The following MCF2L2 variants were observed in gnomAD, a reference collection of about 807,000 sequenced individuals.
MCF2L2 encodes the protein probable guanine nucleotide exchange factor MCF2L2.
A neutral mutation model predicts 150.2 loss-of-function variants in MCF2L2; 102 were observed. The ratio of observed to expected loss-of-function variants is 0.68; its 90% CI spans 0.58 to 0.80. The LOEUF (loss-of-function observed/expected upper bound fraction) is 0.80, where lower values mean the gene tolerates loss of function less well. Among genes scored for constraint, MCF2L2 ranks in the 30% least tolerant of loss-of-function variants. The pLI, the probability that MCF2L2 is intolerant of heterozygous loss-of-function variation, is 0.00. For synonymous variants in MCF2L2, 465 were observed against 491.3 expected, an observed-to-expected ratio of 0.95 and a Z score of 0.71; for missense variants, 1,256 against 1,372.8, an observed-to-expected ratio of 0.91 and a Z score of 1.34.
At chr3:183,218,056 C>G (rs543344781) in intron 21 of MCF2L2, among the ~76,000 whole-genome samples, 9 of 152,302 alleles carry the variant, frequency 5.9e-5, no homozygotes, top group African/African-American at 1.9e-4. Flanking sequence ...TGAAGAACAG[C>G]TAGCCCCTTT....
At chr3:183,397,579 T>C (rs1240403018) in intron 1 of MCF2L2, among the ~76,000 whole-genome samples, 2 of 152,178 alleles carry the variant, frequency 1.3e-5, no homozygotes, top group Non-Finnish European at 2.9e-5. Flanking sequence ...GATAAAGAAA[T>C]CTAAATTAAA....
chr3:183,216,570 ATATATATATATTTTTTTTTTT>A (rs869288467), intron 21 of MCF2L2, among the ~76,000 whole-genome samples: 4,688 of 26,296 alleles, frequency 0.18, 536 homozygotes, highest in East Asian at 0.39. Context: ...ATATATATAT[ATATATATATATTTTTTTTTTT>A]TTTTTTTTTT....
At position 183,229,755 on chromosome 3, in the gene MCF2L2, A is replaced by C; in HGVS notation, c.1956T>G (p.Ile652Met). The change falls in exon 17 of 30, where the codon ATT becomes ATG. Residue 652 changes from isoleucine (I) to methionine (M), a missense_variant. Ile to Met is a conservative substitution (Grantham distance 10). Coordinates refer to ENST00000328913, the MANE Select transcript of MCF2L2 (RefSeq NM_015078.4). ...CATCTGGAATTAGATGCTTTAGCCA[A>C]ATAAAATCCATTGGAGTGATATATC... ...IDGYITPMDFIWLKHLIPDVL... is the reference protein window; with the variant it reads ...IDGYITPMDFMWLKHLIPDVL... 6.3e-7 allele frequency: 1 copy of C among 1,591,088 alleles called. No individual in the cohort carries two copies. Among genetic ancestry groups the C allele is most frequent in the East Asian group, 2.2e-5 (1 of 44,614 alleles).
chr3:183,384,225 T>C (rs943033663), intron 2 of MCF2L2, among the ~76,000 whole-genome samples: 2 of 152,216 alleles, frequency 1.3e-5, no homozygotes, highest in Non-Finnish European at 2.9e-5. Flanking sequence ...ACATCCAAGC[T>C]CTCCTTGTTC....
chr3:183,402,779 G>A (rs79541666), intron 1 of MCF2L2, among the ~76,000 whole-genome samples: 11,150 of 151,928 alleles, frequency 0.073, 855 homozygotes, highest in African/African-American at 0.19. Flanking sequence ...ATAACAATAT[G>A]TAAAGAGTGA....
In MCF2L2 at chr3:183,195,203, TA is replaced by T. The variant is rs554139322; in HGVS notation, c.2918+18del. The T allele has an allele frequency of 9.2e-3, 14,641 of 1,585,628 alleles. 87 individuals are homozygous for T. Among genetic ancestry groups the T allele is most frequent in the Non-Finnish European group, 0.011 (12,434 of 1,168,292 alleles). On this transcript the variant is annotated intron_variant, in intron 26 of 29. Transcript: ENST00000328913. ...CAAAGCATTTGACATGCCTTTAAAATAAAAAAATCAGTACTCACCTCGTGCT... is the reference window on the plus strand; with the variant it reads ...CAAAGCATTTGACATGCCTTTAAAATAAAAAATCAGTACTCACCTCGTGCT...
chr3:183,409,429 C>A (rs1351503739), intron 1 of MCF2L2, among the ~76,000 whole-genome samples: 1 of 152,074 alleles, frequency 6.6e-6, no homozygotes, highest in Non-Finnish European at 1.5e-5. Flanking sequence ...CTGCTTAAGC[C>A]TCAAATTTCT....
At chr3:183,405,463 C>A (rs1024730099) in intron 1 of MCF2L2, among the ~76,000 whole-genome samples, 1 of 152,078 alleles carries the variant, frequency 6.6e-6, no homozygotes, top group Non-Finnish European at 1.5e-5. Context: ...GTTGATTGCC[C>A]CTGTGAGTCA....
intron 1 of MCF2L2, among the ~76,000 whole-genome samples, chr3:183,406,695 G>C (rs1474866973): frequency 6.6e-6 from 1 of 152,062 alleles, no homozygotes; most frequent in Non-Finnish European, 1.5e-5. Flanking sequence ...CACCACATTG[G>C]CCAGGCTGGT....
intron 2 of MCF2L2, among the ~76,000 whole-genome samples, chr3:183,380,097 A>G (rs1713430126): frequency 6.6e-6 from 1 of 152,192 alleles, no homozygotes; most frequent in Non-Finnish European, 1.5e-5. Context: ...TCAAGAATTT[A>G]TAAATAGTAA....
chr3:183,229,596 AATTCCATCAGTCTC>A lies in MCF2L2; in HGVS notation c.2045+56_2045+69del, dbSNP rs1352716225. ...AAACATCTAAGTGTTTTCATCTCTC[AATTCCATCAGTCTC>A]ATTTCCACCCTTCTCTTACTCTCCA... is the stretch of plus-strand genomic sequence containing the variant. On this transcript the variant is annotated intron_variant, in intron 17 of 29. Coordinates refer to ENST00000328913, the MANE Select transcript of MCF2L2 (RefSeq NM_015078.4). 4.2e-6 allele frequency: 3 copies of A among 720,848 alleles called. No individual in the cohort carries two copies. In the East Asian group the frequency reaches 8.3e-5, roughly 20 times the overall value. 44.7% of individuals were successfully genotyped at this position (720,848 alleles called of 1,614,324 possible). A position where few individuals can be genotyped will look rare whatever the true frequency, so the allele number is the denominator to read the frequency against.
At chr3:183,426,458 C>T (rs568218100) in intron 1 of MCF2L2, among the ~76,000 whole-genome samples, 11 of 152,236 alleles carry the variant, frequency 7.2e-5, no homozygotes, top group Non-Finnish European at 1.5e-4. Context: ...CACAGTATTT[C>T]TACCCAAATT....
intron 7 of MCF2L2, among the ~76,000 whole-genome samples, chr3:183,314,070 C>T (rs1729495371): frequency 6.6e-6 from 1 of 152,144 alleles, no homozygotes; most frequent in Non-Finnish European, 1.5e-5. Context: ...AAGGCTAAAG[C>T]TGCTTGTGTT....
At chr3:183,292,095 G>C (rs908127413) in intron 13 of MCF2L2, among the ~76,000 whole-genome samples, 1 of 152,164 alleles carries the variant, frequency 6.6e-6, no homozygotes, top group Non-Finnish European at 1.5e-5. Context: ...GGATGTGTGT[G>C]TGTGTGTTTG....
intron 1 of MCF2L2, among the ~76,000 whole-genome samples, chr3:183,399,497 A>G (rs1372341299): frequency 6.6e-6 from 1 of 152,226 alleles, no homozygotes; most frequent in Non-Finnish European, 1.5e-5. Context: ...CAGTCTTAGA[A>G]ACAAGTAGCT....
At chr3:183,184,727 A>G (rs1721636508) in intron 27 of MCF2L2, among the ~76,000 whole-genome samples, 1 of 152,166 alleles carries the variant, frequency 6.6e-6, no homozygotes, top group Admixed American at 6.5e-5. Flanking sequence ...CAGCATACAT[A>G]TTTTTGGTAA....
chr3:183,280,870 GCAAA>G (rs201672775), intron 14 of MCF2L2, among the ~76,000 whole-genome samples: 3,873 of 144,660 alleles, frequency 0.027, 174 homozygotes, highest in African/African-American at 0.091. Context: ...AAACAAACAA[GCAAA>G]CAAACAAACA....
chr3:183,289,165 C>A lies in MCF2L2; in HGVS notation c.1731G>T (p.Leu577Phe). 6.2e-7 allele frequency: 1 copy of A among 1,614,056 alleles called. No individual in the cohort carries two copies. The highest frequency in any genetic ancestry group is 8.5e-7 in the Non-Finnish European group (1 of 1,179,960). Residue 577 changes from leucine (L) to phenylalanine (F), a missense_variant, in exon 14 of 30, where the codon TTG becomes TTT. Physicochemically the swap from Leu to Phe is conservative, Grantham distance 22. Coordinates refer to ENST00000328913, the MANE Select transcript of MCF2L2 (RefSeq NM_015078.4). ...TSEEPYTETE[L>F]NSRGKEDDET... ...CATCATCTTCCTTTCCCCGGGAGTT[C>A]AACTCTGTCTCCGTATAAGGTTCCT...
Position 183,297,115 on chromosome 3 carries a change from T to C in MCF2L2, c.1358A>G (p.Asp453Gly), listed in dbSNP as rs1312846245. The change falls in exon 12 of 30, where the codon GAC becomes GGC. Residue 453 changes from aspartate to glycine, a missense_variant. By Grantham distance (94) the Asp-to-Gly change is moderately conservative. Coordinates refer to ENST00000328913, the MANE Select transcript of MCF2L2 (RefSeq NM_015078.4). ...GIYLLASQAV[D>G]KCQSREGVDI... The stretch of plus-strand genomic sequence containing the variant: ...AACCCCTTCTCGAGACTGGCACTTG[T>C]CTACAGCTTGGGAAGCCAAGAGGTA... 1.2e-6 allele frequency: 2 copies of C among 1,614,134 alleles called. No homozygotes were observed. Among genetic ancestry groups the C allele is most frequent in the Non-Finnish European group, 1.7e-6 (2 of 1,180,004 alleles).
Sources: gnomAD v4.1 joint callset for allele counts (sites outside exome capture counted in the v4.1 genomes callset) on GRCh38, gnomAD v4.1.1 for gene constraint, MANE v1.5 for transcripts, NCBI Gene and HGNC (gene_info 2026-07-23, HGNC 2026-07-21) for gene names.